RPRD2: variants seen among roughly 807,000 people sequenced by gnomAD.
RPRD2 encodes the protein regulation of nuclear pre-mRNA domain containing 2, also known as regulation of nuclear pre-mRNA domain-containing protein 2.
RPRD2 carries 12 observed loss-of-function variants against 104.4 expected under a neutral mutation model. That is an observed-to-expected ratio of 0.11 (90% CI 0.07 to 0.19). RPRD2 has a LOEUF of 0.19. Among genes scored for constraint, RPRD2 ranks in the 10% least tolerant of loss-of-function variants. The probability of loss-of-function intolerance (pLI) is 1.00; values close to 1 mark genes in which losing one functional copy is unlikely to be tolerated. For synonymous variants in RPRD2, 714 were observed against 684.9 expected (o/e 1.04, Z -0.66); for missense variants, 1,543 against 1,790.1 (o/e 0.86, Z 2.49).
At chr1:150,380,173 A>G (rs1560150811) in intron 1 of RPRD2, among the ~76,000 whole-genome samples, 1 of 152,224 alleles carries the variant, frequency 6.6e-6, no homozygotes, top group East Asian at 1.9e-4. Flanking sequence ...ACTTTATTAA[A>G]AAGGTTATAC....
intron 3 of RPRD2, 113 bp downstream of exon 3, chr1:150,441,136 G>A: frequency 1.8e-6 from 1 of 547,800 alleles, no homozygotes; most frequent in Non-Finnish European, 3.2e-6. Flanking sequence ...TTTGAATCTA[G>A]CCCTATTTGT....
chr1:150,468,499 A>G (rs1204720788), intron 10 of RPRD2, among the ~76,000 whole-genome samples: 1 of 152,204 alleles, frequency 6.6e-6, no homozygotes, highest in Non-Finnish European at 1.5e-5. Context: ...ATGCTGAAAT[A>G]TCTTCTAAAA....
At chr1:150,466,625 ATTT>A (rs1377949279) in intron 10 of RPRD2, among the ~76,000 whole-genome samples, 1 of 149,758 alleles carries the variant, frequency 6.7e-6, no homozygotes, top group African/African-American at 2.4e-5. Context: ...ATTATTTATT[ATTT>A]TATTTATTAT....
intron 1 of RPRD2, among the ~76,000 whole-genome samples, chr1:150,381,537 C>G (rs1267634446): frequency 2.1e-5 from 3 of 145,660 alleles, no homozygotes; most frequent in Non-Finnish European, 4.5e-5. Flanking sequence ...CAGGGTCTTG[C>G]TCTATCGCCC....
intron 1 of RPRD2, among the ~76,000 whole-genome samples, chr1:150,395,365 T>TTGCGTGTGTGTGTG (rs1553884000): frequency 1.4e-5 from 2 of 144,076 alleles, no homozygotes; most frequent in African/African-American, 5.3e-5. Context: ...TAGTATTCCA[T>TTGCGTGTGTGTGTG]TGTGTGTGTG....
At chr1:150,400,845 TG>T (rs1662928932) in intron 1 of RPRD2, among the ~76,000 whole-genome samples, 1 of 152,108 alleles carries the variant, frequency 6.6e-6, no homozygotes, top group Admixed American at 6.6e-5. Context: ...CATAAATGAA[TG>T]TGGAATTTTA....
chr1:150,464,421 A>G, intron 9 of RPRD2, 106 bp from the exon 10 acceptor site: 1 of 821,596 alleles, frequency 1.2e-6, no homozygotes, highest in Middle Eastern at 3.5e-4. Context: ...GATCAACCAC[A>G]GAAGAATTCC....
At chr1:150,403,329 A>G (rs1663205628) in intron 1 of RPRD2, among the ~76,000 whole-genome samples, 1 of 152,196 alleles carries the variant, frequency 6.6e-6, no homozygotes, top group South Asian at 2.1e-4. Flanking sequence ...GGCATGAAGA[A>G]CATTAACATT....
chr1:150,423,020 G>A (rs2102294371), intron 2 of RPRD2, among the ~76,000 whole-genome samples: 1 of 152,232 alleles, frequency 6.6e-6, no homozygotes, highest in East Asian at 1.9e-4. Flanking sequence ...CTGGAAACCT[G>A]GAGATTGTAT....
At chr1:150,402,186 C>A (rs1293741180) in intron 1 of RPRD2, among the ~76,000 whole-genome samples, 2 of 152,092 alleles carry the variant, frequency 1.3e-5, no homozygotes, top group Non-Finnish European at 2.9e-5. Context: ...TCTTGAACTC[C>A]TGACCTTGTG....
intron 7 of RPRD2, among the ~76,000 whole-genome samples, chr1:150,448,097 C>CT (rs1415517047): frequency 6.6e-6 from 1 of 152,204 alleles, no homozygotes; most frequent in Admixed American, 6.5e-5. Flanking sequence ...AGTAGCATCC[C>CT]TATTTGCTCC....
chr1:150,387,911 C>CT (rs1224608397), intron 1 of RPRD2, among the ~76,000 whole-genome samples: 14 of 116,966 alleles, frequency 1.2e-4, no homozygotes, highest in Non-Finnish European at 1.7e-4. Flanking sequence ...TTTTTCTTTT[C>CT]TCTTTTTTTT....
rs140821099 is a variant in RPRD2 at position 150,437,485 on chromosome 1, AT to A, written c.336-3431del. Among the ~76,000 whole-genome samples, 1,083 of 152,280 alleles carry A rather than the reference AT, an allele frequency of 7.1e-3. 37 individuals carry two copies. Among genetic ancestry groups the A allele is most frequent in the Admixed American group, 0.056 (856 of 15,288 alleles). Reference sequence around the variant, plus strand: ...GTTAAGAGTTTTTTAGCTATAAAGTATTTTTTTAACTAACATATGGATATTG... The same window carrying A: ...GTTAAGAGTTTTTTAGCTATAAAGTATTTTTTAACTAACATATGGATATTG... On this transcript the variant is annotated intron_variant, in intron 2 of 10. Transcript: ENST00000369068.
At chr1:150,375,049 TTATAGGTGG>T (rs1286119576) in intron 1 of RPRD2, among the ~76,000 whole-genome samples, 1 of 151,620 alleles carries the variant, frequency 6.6e-6, no homozygotes, top group African/African-American at 2.4e-5. Context: ...GTTCATAGAG[TTATAGGTGG>T]TATTTTTCCA....
intron 9 of RPRD2, among the ~76,000 whole-genome samples, chr1:150,462,187 C>A (rs1287258927): frequency 1.3e-5 from 2 of 151,880 alleles, no homozygotes; most frequent in African/African-American, 4.8e-5. Flanking sequence ...GAGGCTGAGG[C>A]AGGACAATCA....
At chr1:150,419,207 A>G (rs782437481) in intron 2 of RPRD2, among the ~76,000 whole-genome samples, 2 of 152,262 alleles carry the variant, frequency 1.3e-5, no homozygotes, top group South Asian at 4.1e-4. Context: ...ATTGTTTTCT[A>G]TAAGAGGCAC....
chr1:150,416,705 A>T (rs1296939515), intron 1 of RPRD2, among the ~76,000 whole-genome samples: 1 of 151,866 alleles, frequency 6.6e-6, no homozygotes, highest in Non-Finnish European at 1.5e-5. Context: ...CCCTATCTCT[A>T]CCAAAAATAC....
At chr1:150,393,454 CAAAAAAA>C (rs1203478537) in intron 1 of RPRD2, among the ~76,000 whole-genome samples, 1 of 59,536 alleles carries the variant, frequency 1.7e-5, no homozygotes, top group Non-Finnish European at 3.4e-5. Context: ...GACCCTGTCT[CAAAAAAA>C]AAAAAAAAAA....
chr1:150,387,540 C>T (rs587616092), intron 1 of RPRD2, among the ~76,000 whole-genome samples: 17 of 127,572 alleles, frequency 1.3e-4, no homozygotes, highest in African/African-American at 4.9e-4. Flanking sequence ...AGAAATACAA[C>T]TAAATCTTAC....
Sources: allele counts gnomAD v4.1 joint callset (sites outside exome capture counted in the v4.1 genomes callset), GRCh38; gene constraint gnomAD v4.1.1; transcripts MANE v1.5; gene names NCBI Gene and HGNC (gene_info 2026-07-23, HGNC 2026-07-21).